FANCG: variants seen among roughly 807,000 people sequenced by gnomAD.
The protein encoded by FANCG is Fanconi anemia group G protein.
In FANCG, 67 loss-of-function variants were observed where a neutral mutation model predicts 73.3. The ratio of observed to expected loss-of-function variants is 0.91; its 90% CI spans 0.75 to 1.12. The LOEUF (loss-of-function observed/expected upper bound fraction) is 1.12. FANCG is among the 50% of genes most tolerant of loss of function. The probability of loss-of-function intolerance (pLI) is 0.00; values close to 1 mark genes in which losing one functional copy is unlikely to be tolerated. For missense variants in FANCG, 643 were observed against 735.6 expected, an observed-to-expected ratio of 0.87 and a Z score of 1.46; for synonymous variants, 297 against 311.6, an observed-to-expected ratio of 0.95 and a Z score of 0.49.
chr9:35,075,477 C>T lies in FANCG; in HGVS notation c.1421G>A (p.Ser474Asn), dbSNP rs1829065360. ...ACCCCGGGCTCACCTGCTAAATTCACTAATTGCCACTTTTTGGGCACCCAG... is the reference window on the plus strand; with the variant it reads ...ACCCCGGGCTCACCTGCTAAATTCATTAATTGCCACTTTTTGGGCACCCAG... ...VQLGAQKVAI[S>N]EFSRCLELLF... Residue 474 changes from serine to asparagine, a missense_variant, in exon 10 of 14, where the codon AGT (serine) becomes AAT (asparagine). Ser to Asn is a conservative substitution (Grantham distance 46). Transcript: ENST00000378643. 1 of 1,614,078 alleles carries T rather than the reference C, an allele frequency of 6.2e-7. No homozygotes were observed.
Position 35,074,411 on chromosome 9 carries a change from G to A in FANCG, c.1720C>T (p.Leu574=). Residue 574 remains leucine (L), a synonymous_variant, in exon 13 of 14, where the codon CTG becomes TTG. Transcript: ENST00000378643. ...TGTGACCCCTTAGTTTGGGCCTCCAGCCTCCACCAGAGTGCAGTGGCCTCA... is the reference window on the plus strand; with the variant it reads ...TGTGACCCCTTAGTTTGGGCCTCCAACCTCCACCAGAGTGCAGTGGCCTCA... ...RDEATALWWR[L]EAQTKGSHED... is the part of the protein sequence containing the mutation. 6.2e-7 allele frequency: 1 copy of A among 1,614,172 alleles called. No homozygotes were observed. Among genetic ancestry groups the A allele is most frequent in the Non-Finnish European group, 8.5e-7 (1 of 1,180,014 alleles).
intron 8 of FANCG, 187 bp from the exon 9 acceptor site, chr9:35,076,215 G>A: frequency 2.5e-6 from 2 of 797,350 alleles, no homozygotes; most frequent in Non-Finnish European, 4.3e-6. Context: ...ATGGACTGGG[G>A]AAGAGACTTC....
rs370461759 is a variant in FANCG at position 35,077,327 on chromosome 9, A to G, written c.583T>C (p.Leu195=). The G allele has an allele frequency of 2.7e-5, 44 of 1,614,042 alleles. No individual in the cohort carries two copies. Among genetic ancestry groups the G allele is most frequent in the Middle Eastern group, 1.6e-4 (1 of 6,084 alleles). The change falls in exon 5 of 14, where the codon TTG becomes CTG. Residue 195 remains leucine (L), a synonymous_variant. Transcript: ENST00000378643. ...AATCCCTGGGCATCCTGCAGGGTCAATGGAGCATCTAATTCCTCAGCTGGG... is the reference window on the plus strand; with the variant it reads ...AATCCCTGGGCATCCTGCAGGGTCAGTGGAGCATCTAATTCCTCAGCTGGG... ...SPPAEELDAP[L]TLQDAQGLKD...
Position 35,074,977 on chromosome 9 carries a change from T to C in FANCG, c.1586A>G (p.Gln529Arg), listed in dbSNP as rs1416054222. The C allele has an allele frequency of 1.1e-5, 17 of 1,614,108 alleles. No individual in the cohort carries two copies. Among genetic ancestry groups the C allele is most frequent in the Non-Finnish European group, 1.4e-5 (17 of 1,180,046 alleles). Reference sequence around the variant, plus strand: ...GAAGTCCTGTAAGGCTTTGGTATCCTGGCCGCTGGCTACCCATTCCAGTCC... The same window carrying C: ...GAAGTCCTGTAAGGCTTTGGTATCCCGGCCGCTGGCTACCCATTCCAGTCC... ...SRGLEWVASG[Q>R]DTKALQDFLL... The change falls in exon 12 of 14, where the codon CAG becomes CGG. Residue 529 changes from glutamine (Q) to arginine (R), a missense_variant. Coordinates refer to ENST00000378643, the MANE Select transcript of FANCG (RefSeq NM_004629.2).
chr9:35,079,030 C>T, intron 2 of FANCG, 121 bp downstream of exon 2: 2 of 871,686 alleles, frequency 2.3e-6, no homozygotes, highest in Non-Finnish European at 1.9e-6. Context: ...CTCCAGTCTC[C>T]TCTGTGCCTT....
At chr9:35,074,263 A>G in intron 13 of FANCG, 47 bp from the exon 14 acceptor site, 1 of 1,612,516 alleles carries the variant, frequency 6.2e-7, no homozygotes, top group Non-Finnish European at 8.5e-7. Context: ...ATTGGCAGAA[A>G]GCTGGGCAGC....
In FANCG at chr9:35,077,260, T is replaced by A. The variant is rs1212623077; in HGVS notation, c.646+4A>T. On this transcript the variant is annotated splice_donor_region_variant and intron_variant, in intron 5 of 13. Transcript: ENST00000378643. Reference sequence around the variant, plus strand: ...AGAAGAGATGAGTCAGGTTGCTAGCTGACCTTGGCGGTAGGCAAATGCTGT... The same window carrying A: ...AGAAGAGATGAGTCAGGTTGCTAGCAGACCTTGGCGGTAGGCAAATGCTGT... The A allele has an allele frequency of 6.2e-7, 1 of 1,614,110 alleles. No individual in the cohort carries two copies. The highest frequency in any genetic ancestry group is 1.3e-5 in the African/African-American group (1 of 74,932).
At chr9:35,074,696 G>T in intron 12 of FANCG, 1 of 860,726 alleles carries the variant, frequency 1.2e-6, no homozygotes, top group Non-Finnish European at 1.9e-6. Context: ...CAACAGCAGA[G>T]TCATGGTCTT....
At chr9:35,076,615 A>T in intron 7 of FANCG, 32 bp from the exon 8 acceptor site, 1 of 1,614,100 alleles carries the variant, frequency 6.2e-7, no homozygotes, top group Non-Finnish European at 8.5e-7. Flanking sequence ...TGTATCTATA[A>T]TCTTTGGGAG....
intron 12 of FANCG, 122 bp from the exon 13 acceptor site, chr9:35,074,616 CG>C: frequency 7.5e-7 from 1 of 1,324,564 alleles, no homozygotes. Flanking sequence ...CATATGGAAG[CG>C]GGGGCAGATC....
chr9:35,076,658 C>G (rs1829089920), intron 7 of FANCG, 66 bp downstream of exon 7: 1 of 1,614,050 alleles, frequency 6.2e-7, no homozygotes, highest in Non-Finnish European at 8.5e-7. Context: ...CTTGACTAGT[C>G]AAGTCACCCC....
chr9:35,077,019 A>C lies in FANCG; in HGVS notation c.729T>G (p.Pro243=), dbSNP rs199736443. The C allele has an allele frequency of 1.2e-6, 2 of 1,614,222 alleles. No individual in the cohort carries two copies. Among genetic ancestry groups the C allele is most frequent in the Non-Finnish European group, 1.7e-6 (2 of 1,180,044 alleles). ...HEAASGLCPR[P]VLVQVYTALG... ...GTGCTGTGTACACCTGGACCAACAC[A>C]GGCCGTGGACACAGGCCTGAGGCCG... The change falls in exon 6 of 14, where the codon CCT becomes CCG. Residue 243 remains proline, a synonymous_variant. Transcript: ENST00000378643.
chr9:35,074,365 C>A lies in FANCG; in HGVS notation c.1760+6G>T. 1 of 1,614,196 alleles carries A rather than the reference C, an allele frequency of 6.2e-7. No individual in the cohort carries two copies. The highest frequency in any genetic ancestry group is 8.5e-7 in the Non-Finnish European group (1 of 1,180,026). Reference sequence around the variant, plus strand: ...TCAGCCCCAAGCCAGCAGGCCTGAGCCTCACCACAGAGCATCTTCATGTGA... The same window carrying A: ...TCAGCCCCAAGCCAGCAGGCCTGAGACTCACCACAGAGCATCTTCATGTGA... On this transcript the variant is annotated splice_donor_region_variant and intron_variant, in intron 13 of 13. Coordinates refer to ENST00000378643, the MANE Select transcript of FANCG (RefSeq NM_004629.2).
chr9:35,074,521 T>C lies in FANCG; in HGVS notation c.1637-27A>G, dbSNP rs200572118. The C allele has an allele frequency of 4.0e-5, 64 of 1,613,470 alleles. No individual in the cohort carries two copies. In the African/African-American group the frequency reaches 6.9e-4, roughly 17 times the overall value. ...TGTAGCCCCAGCCCAGAGTACAGAGTCTTAGAACTTGACATAGTCTTAGGC... is the reference window on the plus strand; with the variant it reads ...TGTAGCCCCAGCCCAGAGTACAGAGCCTTAGAACTTGACATAGTCTTAGGC... On this transcript the variant is annotated intron_variant, in intron 12 of 13. Coordinates refer to ENST00000378643, the MANE Select transcript of FANCG (RefSeq NM_004629.2).
rs1829097679 is a variant in FANCG, at chr9:35,077,010, G to T, written c.738C>A (p.Val246=). ...ASGLCPRPVL[V]QVYTALGSCH... ...AGGACCCCAGTGCTGTGTACACCTG[G>T]ACCAACACAGGCCGTGGACACAGGC... The change falls in exon 6 of 14, where the codon GTC becomes GTA. Residue 246 remains valine (V), a synonymous_variant. Coordinates refer to ENST00000378643, the MANE Select transcript of FANCG (RefSeq NM_004629.2). 1.2e-6 allele frequency: 2 copies of T among 1,614,190 alleles called. No individual in the cohort carries two copies. The highest frequency in any genetic ancestry group is 1.7e-6 in the Non-Finnish European group (2 of 1,180,030).
chr9:35,079,719 C>G lies in FANCG; in HGVS notation c.-195G>C, dbSNP rs1416052720. The G allele has an allele frequency of 3.2e-6, 2 of 629,766 alleles. No homozygotes were observed. The highest frequency in any genetic ancestry group is 5.7e-6 in the Non-Finnish European group (2 of 353,264). 39.0% of individuals were successfully genotyped at this position (629,766 alleles called of 1,614,324 possible). A position where few individuals can be genotyped will look rare whatever the true frequency, so the allele number is the denominator to read the frequency against. On this transcript the variant is annotated 5_prime_UTR_variant, in exon 1 of 14. Transcript: ENST00000378643. Reference sequence around the variant, plus strand: ...GGGACGCTCTCTCCCCGCGGCCCGCCGGGCTCTCAACCTCGCCTCTGGTTG... The same window carrying G: ...GGGACGCTCTCTCCCCGCGGCCCGCGGGGCTCTCAACCTCGCCTCTGGTTG...
chr9:35,076,278 G>A (rs1033685403), intron 8 of FANCG, 154 bp downstream of exon 8: 10 of 893,110 alleles, frequency 1.1e-5, no homozygotes, highest in Admixed American at 1.9e-5. Flanking sequence ...CCTCAGTTCA[G>A]GTCTAGAAGC....
In FANCG at chr9:35,077,393, C is replaced by T. The variant is rs1829105012; in HGVS notation, c.517G>A (p.Ala173Thr). Residue 173 changes from alanine to threonine, a missense_variant, in exon 5 of 14, where the codon GCC (alanine) becomes ACC (threonine). Transcript: ENST00000378643. The part of the protein sequence containing the change: ...LETLNGSQSG[A>T]SKDLLLLLKT... ...AGAAGTAACAGCAGATCCTTAGAGG[C>T]TCCACTCTGGGGAAAGAAGGACAAC... 2 of 1,614,128 alleles carry T rather than the reference C, an allele frequency of 1.2e-6. No individual in the cohort carries two copies. The highest frequency in any genetic ancestry group is 1.7e-6 in the Non-Finnish European group (2 of 1,180,008).
chr9:35,079,844 T>C lies in FANCG; in HGVS notation c.-320A>G. The C allele has an allele frequency of 2.2e-6, 1 of 458,208 alleles. No individual in the cohort carries two copies. Among genetic ancestry groups the C allele is most frequent in the Non-Finnish European group, 4.1e-6 (1 of 245,020 alleles). The allele number at this position is 458,208 out of a possible 1,614,324, so 28.4% of individuals were successfully genotyped here. On this transcript the variant is annotated 5_prime_UTR_variant, in exon 1 of 14. Transcript: ENST00000378643. ...ACGAGTCAGCAACCCCAAACAGGCT[T>C]AGGCGGGCTAGAAGCCGGGGTCGTG...
Sources: allele counts gnomAD v4.1 joint callset, GRCh38; gene constraint gnomAD v4.1.1; transcripts MANE v1.5; gene names NCBI Gene and HGNC (gene_info 2026-07-23, HGNC 2026-07-21).